The following DTD1 variants were observed in gnomAD, a reference collection of about 807,000 sequenced individuals.
The protein encoded by DTD1 is D-aminoacyl-tRNA deacylase 1.
A neutral mutation model predicts 25.6 loss-of-function variants in DTD1; 13 were observed. The ratio of observed to expected loss-of-function variants is 0.51; its 90% CI spans 0.33 to 0.81. The LOEUF is 0.81. DTD1 is among the 30% of genes least tolerant of loss of function. The pLI is 0.02. For missense variants in DTD1, 193 were observed against 266.4 expected (o/e 0.72, Z 1.92); for synonymous variants, 110 against 103.6 (o/e 1.06, Z -0.37).
chr20:18,590,403 CAT>C (rs2060584635), intron 1 of DTD1, among the ~76,000 whole-genome samples: 1 of 134,532 alleles, frequency 7.4e-6, no homozygotes, highest in African/African-American at 2.5e-5. Context: ...TGGTCAAACA[CAT>C]TTTTTTTTAT....
At chr20:18,611,077 G>A (rs905116861) in intron 3 of DTD1, 3 of 152,254 alleles carry the variant, frequency 2.0e-5, no homozygotes, top group African/African-American at 4.8e-5. Flanking sequence ...TACGAAGTAG[G>A]TGGCAATGCC....
chr20:18,720,887 A>C (rs2061200395), intron 4 of DTD1, among the ~76,000 whole-genome samples: 1 of 152,210 alleles, frequency 6.6e-6, no homozygotes, highest in Admixed American at 6.5e-5. Flanking sequence ...TAACATGTAA[A>C]GTATGATTCA....
At chr20:18,733,107 A>G (rs1308620079) in intron 4 of DTD1, among the ~76,000 whole-genome samples, 2 of 152,178 alleles carry the variant, frequency 1.3e-5, no homozygotes, top group Non-Finnish European at 2.9e-5. Flanking sequence ...CAAGGGAGGA[A>G]AGCCTAAAAG....
At chr20:18,631,503 C>A (rs1215066386) in intron 4 of DTD1, 19 of 985,382 alleles carry the variant, frequency 1.9e-5, no homozygotes, top group Non-Finnish European at 2.3e-5. Flanking sequence ...TTTAAATATG[C>A]CCAAATGTCT....
chr20:18,666,513 A>AT lies in DTD1; in HGVS notation c.477+38289dup, dbSNP rs761052982. 1.1e-3 allele frequency among the ~76,000 whole-genome samples: 167 copies of AT among 151,870 alleles called. 1 individual carries two copies. The highest frequency in any genetic ancestry group is 4.9e-3 in the Admixed American group (74 of 15,240). On this transcript the variant is annotated intron_variant, in intron 4 of 5. Transcript: ENST00000377452. Reference sequence around the variant, plus strand: ...AGATTTAATTGCAGATAAACAAGAAATTTTTTTTTAGTGTGTGTCCCTTGC... The same window carrying AT: ...AGATTTAATTGCAGATAAACAAGAAATTTTTTTTTTAGTGTGTGTCCCTTGC...
At chr20:18,676,271 CAG>C (rs2060974131) in intron 4 of DTD1, among the ~76,000 whole-genome samples, 1 of 152,280 alleles carries the variant, frequency 6.6e-6, no homozygotes, top group Non-Finnish European at 1.5e-5. Context: ...CCTTAACTGG[CAG>C]AGTTTGCAGG....
chr20:18,600,057 G>A (rs972670802), intron 3 of DTD1, among the ~76,000 whole-genome samples: 1 of 152,006 alleles, frequency 6.6e-6, no homozygotes, highest in Non-Finnish European at 1.5e-5. Context: ...TCTGTGGCTT[G>A]TCTTTTCATT....
At chr20:18,631,774 T>C in intron 4 of DTD1, 21 of 985,428 alleles carry the variant, frequency 2.1e-5, no homozygotes, top group Non-Finnish European at 2.4e-5. Context: ...TTCCATAGTT[T>C]TTAGTTATTA....
At chr20:18,637,343 T>C (rs2060811288) in intron 4 of DTD1, among the ~76,000 whole-genome samples, 1 of 152,160 alleles carries the variant, frequency 6.6e-6, no homozygotes, top group Admixed American at 6.5e-5. Flanking sequence ...TCAACGCAAT[T>C]ACAGATGTGT....
intron 3 of DTD1, among the ~76,000 whole-genome samples, chr20:18,623,468 G>A (rs186103411): frequency 2.0e-4 from 31 of 151,524 alleles, no homozygotes; most frequent in African/African-American, 7.5e-4. Flanking sequence ...TATTTCATTC[G>A]GGTTTAGTCT....
chr20:18,747,160 A>C (rs542543471), intron 5 of DTD1, among the ~76,000 whole-genome samples: 1 of 152,262 alleles, frequency 6.6e-6, no homozygotes, highest in Non-Finnish European at 1.5e-5. Flanking sequence ...GACAGGGCAC[A>C]GAGTGGCCCT....
chr20:18,710,034 C>T (rs565329862), intron 4 of DTD1, among the ~76,000 whole-genome samples: 1 of 152,126 alleles, frequency 6.6e-6, no homozygotes, highest in Non-Finnish European at 1.5e-5. Flanking sequence ...CATGTATTCA[C>T]TTCCATTATG....
chr20:18,626,642 G>A (rs1019775136), intron 3 of DTD1, among the ~76,000 whole-genome samples: 2 of 151,742 alleles, frequency 1.3e-5, no homozygotes, highest in African/African-American at 4.8e-5. Flanking sequence ...CTTTTTGGGC[G>A]CTTTACCCTT....
At chr20:18,619,640 G>C (rs1207478418) in intron 3 of DTD1, among the ~76,000 whole-genome samples, 1 of 152,068 alleles carries the variant, frequency 6.6e-6, no homozygotes, top group Non-Finnish European at 1.5e-5. Context: ...GCCCAGGCTG[G>C]TCTTGAACTC....
intron 3 of DTD1, among the ~76,000 whole-genome samples, chr20:18,613,767 G>A (rs1012215118): frequency 5.9e-5 from 9 of 152,210 alleles, no homozygotes; most frequent in Non-Finnish European, 1.2e-4. Flanking sequence ...GGCTGCACAT[G>A]TGCTTGGGCA....
At chr20:18,759,876 C>T (rs575700839) in intron 5 of DTD1, among the ~76,000 whole-genome samples, 1 of 152,334 alleles carries the variant, frequency 6.6e-6, no homozygotes, top group Non-Finnish European at 1.5e-5. Flanking sequence ...GTACACCAAT[C>T]AGATGTAGAT....
Position 18,710,420 on chromosome 20 carries a change from T to A in DTD1, c.478-33680T>A, listed in dbSNP as rs536420843. Among the ~76,000 whole-genome samples the A allele has an allele frequency of 1.9e-3, 296 of 152,256 alleles. 1 individual carries two copies. Among genetic ancestry groups the A allele is most frequent in the Non-Finnish European group, 2.8e-3 (189 of 68,010 alleles). On this transcript the variant is annotated intron_variant, in intron 4 of 5. Transcript: ENST00000377452. ...AGTGTTTGAAGGTAAATAGTGACCATGGTTTTTGTTAAGAATTCATATGTA... is the reference window on the plus strand; with the variant it reads ...AGTGTTTGAAGGTAAATAGTGACCAAGGTTTTTGTTAAGAATTCATATGTA...
At chr20:18,743,673 C>CAAAAAAAAAAAAAAA (rs11474877) in intron 4 of DTD1, among the ~76,000 whole-genome samples, 2 of 105,112 alleles carry the variant, frequency 1.9e-5, no homozygotes, top group African/African-American at 3.9e-5. Context: ...GACCCTGTCT[C>CAAAAAAAAAAAAAAA]AAAAAAAAAA....
chr20:18,649,845 T>A (rs2060866990), intron 4 of DTD1, among the ~76,000 whole-genome samples: 1 of 152,150 alleles, frequency 6.6e-6, no homozygotes, highest in Non-Finnish European at 1.5e-5. Context: ...CAGACCCCCA[T>A]ATTGTGTGTA....
Sources: gnomAD v4.1 joint callset for allele counts (sites outside exome capture counted in the v4.1 genomes callset) on GRCh38, gnomAD v4.1.1 for gene constraint, MANE v1.5 for transcripts, NCBI Gene and HGNC (gene_info 2026-07-23, HGNC 2026-07-21) for gene names.